The following ASPH variants were observed in gnomAD, a reference collection of about 807,000 sequenced individuals.
ASPH encodes aspartyl/asparaginyl beta-hydroxylase.
ASPH carries 100 observed loss-of-function variants against 118.4 expected under a neutral mutation model. That is an observed-to-expected ratio of 0.84 (90% confidence interval 0.72 to 1.00). The LOEUF is 1.00. ASPH is among the 50% of genes least tolerant of loss of function. The probability of loss-of-function intolerance (pLI) is 0.00; values close to 1 mark genes in which losing one functional copy is unlikely to be tolerated. For missense variants in ASPH, 920 were observed against 919.5 expected, an observed-to-expected ratio of 1.00 and a Z score of -0.01; for synonymous variants, 315 against 325.6, an observed-to-expected ratio of 0.97 and a Z score of 0.35.
chr8:61,585,750 C>T (rs527407485), intron 14 of ASPH, among the ~76,000 whole-genome samples: 4 of 152,274 alleles, frequency 2.6e-5, no homozygotes, highest in Admixed American at 6.5e-5. Context: ...TCACCCACCA[C>T]GTGGGCAGAA....
chr8:61,666,052 C>T (rs903599779), intron 3 of ASPH, among the ~76,000 whole-genome samples: 8 of 151,984 alleles, frequency 5.3e-5, no homozygotes, highest in African/African-American at 1.7e-4. Flanking sequence ...TTAAAATACA[C>T]GTGCTTCTTT....
chr8:61,511,152 C>T (rs112056437), intron 24 of ASPH, among the ~76,000 whole-genome samples: 1,828 of 152,272 alleles, frequency 0.012, 20 homozygotes, highest in Non-Finnish European at 0.019. Flanking sequence ...CACAATCTTC[C>T]TAATTGGAAC....
At chr8:61,570,734 T>C (rs1833238498) in intron 16 of ASPH, among the ~76,000 whole-genome samples, 1 of 152,210 alleles carries the variant, frequency 6.6e-6, no homozygotes, top group Non-Finnish European at 1.5e-5. Flanking sequence ...CAAGCTAAAC[T>C]GAAACTGAAT....
rs568795459 is a variant in ASPH, at chr8:61,637,378, T to C, written c.889+569A>G. Among the ~76,000 whole-genome samples, 67 of 152,304 alleles carry C rather than the reference T, an allele frequency of 4.4e-4. 1 individual carries two copies. The Middle Eastern group carries it at 0.027, about 62-fold the overall frequency. ...GATCTCCACGCTCCCTGTTTCTCAG[T>C]GCCTACTACGAGGAGCAACTGAAAT... On this transcript the variant is annotated intron_variant, in intron 12 of 24. Coordinates refer to ENST00000379454, the MANE Select transcript of ASPH (RefSeq NM_004318.4).
chr8:61,666,902 C>A (rs1195938836), intron 3 of ASPH, among the ~76,000 whole-genome samples: 2 of 152,134 alleles, frequency 1.3e-5, no homozygotes, highest in Admixed American at 1.3e-4. Context: ...CTGAAAACTG[C>A]TTTTAAAAAA....
intron 2 of ASPH, 76 bp downstream of exon 2, chr8:61,683,963 A>G (rs543058579): frequency 2.7e-6 from 4 of 1,505,812 alleles, no homozygotes; most frequent in East Asian, 4.5e-5. Context: ...CAGAAAGATG[A>G]TAACAAATAT....
chr8:61,676,220 G>T (rs1825278713), intron 3 of ASPH: 3 of 1,597,684 alleles, frequency 1.9e-6, no homozygotes, highest in South Asian at 1.1e-5. Context: ...ATAGAGAAAT[G>T]AGAGGAAACC....
Position 61,562,777 on chromosome 8 carries a change from T to G in ASPH, c.1404A>C (p.Gly468=). ...AAACTTTCTTTGCATTGTCATTATC[T>G]CCTATCAAGAGGTATCCCACGCCAA... ...NDLGVGYLLI[G]DNDNAKKVYE... The change falls in exon 18 of 25, where the codon GGA becomes GGC. Residue 468 remains glycine (G), a synonymous_variant. Coordinates refer to ENST00000379454, the MANE Select transcript of ASPH (RefSeq NM_004318.4). 1.2e-6 allele frequency: 2 copies of G among 1,610,182 alleles called. No individual in the cohort carries two copies. Among genetic ancestry groups the G allele is most frequent in the Non-Finnish European group, 1.7e-6 (2 of 1,178,684 alleles).
At chr8:61,609,210 T>A (rs890140610) in intron 14 of ASPH, among the ~76,000 whole-genome samples, 3 of 152,176 alleles carry the variant, frequency 2.0e-5, no homozygotes, top group Non-Finnish European at 2.9e-5. Context: ...TTCTGTGCTA[T>A]TCCAGTACTT....
intron 13 of ASPH, chr8:61,633,057 T>C (rs547154230): frequency 4.8e-4 from 75 of 157,374 alleles, no homozygotes; most frequent in Non-Finnish European, 9.4e-4. Flanking sequence ...GTTGCAGGTA[T>C]AGTTTATGCC....
intron 22 of ASPH, among the ~76,000 whole-genome samples, chr8:61,522,229 A>G (rs1813359004): frequency 6.6e-6 from 1 of 152,202 alleles, no homozygotes; most frequent in Non-Finnish European, 1.5e-5. Context: ...TTAAAAAAAC[A>G]TAGTTCAGTC....
chr8:61,596,650 G>A (rs573491191), intron 14 of ASPH, among the ~76,000 whole-genome samples: 1 of 152,204 alleles, frequency 6.6e-6, no homozygotes, highest in Non-Finnish European at 1.5e-5. Flanking sequence ...CACAGCCAAG[G>A]AAATCATACT....
chr8:61,553,248 A>G, intron 19 of ASPH, 128 bp from the exon 20 acceptor site: 1 of 660,320 alleles, frequency 1.5e-6, no homozygotes, highest in Non-Finnish European at 2.5e-6. Flanking sequence ...TCTCCATATT[A>G]AACTTTGGGA....
chr8:61,633,731 AAATAAAT>A lies in ASPH; in HGVS notation c.890-11_890-5del. ...TCCACAGGAAAAATGCTTACTTCTA[AAATAAAT>A]AATAAAGTTATAATCTGTTACATAT... On this transcript the variant is annotated splice_region_variant and splice_polypyrimidine_tract_variant and intron_variant, in intron 12 of 24. Coordinates refer to ENST00000379454, the MANE Select transcript of ASPH (RefSeq NM_004318.4). 8.2e-6 allele frequency: 13 copies of A among 1,591,786 alleles called. No individual in the cohort carries two copies. The highest frequency in any genetic ancestry group is 1.0e-5 in the Non-Finnish European group (12 of 1,166,234).
At chr8:61,583,386 C>G (rs7821652) in intron 15 of ASPH, 3 of 151,910 alleles carry the variant, frequency 2.0e-5, no homozygotes, top group Admixed American at 6.6e-5. Context: ...ATGGTGAAAC[C>G]CTGTCTCTAC....
intron 15 of ASPH, chr8:61,579,469 G>A: frequency 6.2e-7 from 1 of 1,605,812 alleles, no homozygotes; most frequent in Non-Finnish European, 8.5e-7. Context: ...AAGACCACCA[G>A]CGGCTATGCA....
At chr8:61,672,758 GTGAATTCTGAATAC>G in intron 3 of ASPH, among the ~76,000 whole-genome samples, 1 of 152,294 alleles carries the variant, frequency 6.6e-6, no homozygotes, top group East Asian at 1.9e-4. Context: ...AACAAAGGCA[GTGAATTCTGAATAC>G]TGGTTCCATC....
intron 14 of ASPH, among the ~76,000 whole-genome samples, chr8:61,594,571 T>C (rs764053048): frequency 4.6e-5 from 7 of 152,340 alleles, no homozygotes; most frequent in Admixed American, 6.5e-5. Flanking sequence ...ACAGTGTCAG[T>C]TACAGATGGT....
chr8:61,665,015 C>T, intron 3 of ASPH: 1 of 1,243,188 alleles, frequency 8.0e-7, no homozygotes, highest in Non-Finnish European at 1.0e-6. Flanking sequence ...AATACATGAT[C>T]AATAAATAGA....
Sources: gnomAD v4.1 joint callset for allele counts (sites outside exome capture counted in the v4.1 genomes callset) on GRCh38, gnomAD v4.1.1 for gene constraint, MANE v1.5 for transcripts, NCBI Gene and HGNC (gene_info 2026-07-23, HGNC 2026-07-21) for gene names.